CNTN5: variants seen among roughly 807,000 people sequenced by gnomAD.
CNTN5 encodes the protein contactin-5.
CNTN5 carries 77 observed loss-of-function variants against 129.1 expected under a neutral mutation model. The observed-to-expected ratio is 0.60, with a 90% confidence interval of 0.50 to 0.72. The LOEUF (loss-of-function observed/expected upper bound fraction) is 0.72. Among genes scored for constraint, CNTN5 ranks in the 30% least tolerant of loss-of-function variants. CNTN5 has a pLI of 0.00. For synonymous variants in CNTN5, 509 were observed against 465.6 expected (o/e 1.09, Z -1.20); for missense variants, 1,478 against 1,328.8 (o/e 1.11, Z -1.75).
At chr11:99,386,159 C>T (rs1940913280) in intron 2 of CNTN5, among the ~76,000 whole-genome samples, 1 of 152,144 alleles carries the variant, frequency 6.6e-6, no homozygotes, top group African/African-American at 2.4e-5. Context: ...GCAGGGCCCA[C>T]CTCCAACCTG....
intron 2 of CNTN5, among the ~76,000 whole-genome samples, chr11:99,408,464 A>AAG (rs1163812644): frequency 8.5e-6 from 1 of 118,228 alleles, no homozygotes; most frequent in Admixed American, 9.3e-5. Context: ...GAAAGAAAGA[A>AAG]AGAAAGAAAG....
intron 3 of CNTN5, among the ~76,000 whole-genome samples, chr11:99,714,013 A>G (rs1294323887): frequency 6.6e-6 from 1 of 151,932 alleles, no homozygotes; most frequent in Non-Finnish European, 1.5e-5. Flanking sequence ...AATAACTTGT[A>G]TTACAGCTGA....
At chr11:99,790,908 T>G (rs1945719041) in intron 3 of CNTN5, among the ~76,000 whole-genome samples, 1 of 152,162 alleles carries the variant, frequency 6.6e-6, no homozygotes, top group African/African-American at 2.4e-5. Flanking sequence ...CTCTAATGAC[T>G]AGTAATATTG....
intron 1 of CNTN5, among the ~76,000 whole-genome samples, chr11:99,219,643 T>C (rs1178362128): frequency 6.8e-6 from 1 of 146,488 alleles, no homozygotes; most frequent in Non-Finnish European, 1.5e-5. Flanking sequence ...AAGACTTTTT[T>C]GTCTTACTTT....
intron 2 of CNTN5, among the ~76,000 whole-genome samples, chr11:99,436,335 T>G (rs764561826): frequency 6.6e-6 from 1 of 152,160 alleles, no homozygotes; most frequent in Non-Finnish European, 1.5e-5. Context: ...AAATGGAGGA[T>G]CAGAGAGATT....
chr11:99,283,296 T>C (rs1863780514), intron 1 of CNTN5, among the ~76,000 whole-genome samples: 1 of 152,060 alleles, frequency 6.6e-6, no homozygotes, highest in Admixed American at 6.6e-5. Flanking sequence ...TCTGAAAAAT[T>C]TTAGCTAAAA....
intron 2 of CNTN5, among the ~76,000 whole-genome samples, chr11:99,434,043 T>A (rs1451408283): frequency 2.0e-5 from 3 of 152,172 alleles, no homozygotes; most frequent in Non-Finnish European, 4.4e-5. Flanking sequence ...AGGGACACTG[T>A]GCTCAGTGCC....
At chr11:99,741,271 A>T (rs1295272945) in intron 3 of CNTN5, among the ~76,000 whole-genome samples, 1 of 152,204 alleles carries the variant, frequency 6.6e-6, no homozygotes, top group Non-Finnish European at 1.5e-5. Context: ...TTGGAATTTA[A>T]CATTGAATGG....
rs150437753 is a variant in CNTN5 at position 100,086,194 on chromosome 11, C to A, written c.1580+11900C>A. Among the ~76,000 whole-genome samples, 16 of 151,410 alleles carry A rather than the reference C, an allele frequency of 1.1e-4. No homozygotes were observed. The East Asian group carries it at 1.5e-3, about 15-fold the overall frequency. ...AGTTCACATCTTTTTGAATTAATAT[C>A]TTTTATTTAATTTTTTAAATTATAT... On this transcript the variant is annotated intron_variant, in intron 13 of 24. Transcript: ENST00000524871.
intron 1 of CNTN5, among the ~76,000 whole-genome samples, chr11:99,151,818 C>T (rs1399617240): frequency 6.6e-6 from 1 of 151,988 alleles, no homozygotes; most frequent in African/African-American, 2.4e-5. Flanking sequence ...AAACCAAACA[C>T]TGCATGTTCT....
At position 100,094,480 on chromosome 11, in the gene CNTN5, C is replaced by T. The variant is rs540322011; in HGVS notation, c.1580+20186C>T. ...TTTAAAGAGTCAGTCGACTTTTAAA[C>T]CTTTTAAGACTTTAATGTTATCAAA... is the stretch of plus-strand genomic sequence containing the variant. On this transcript the variant is annotated intron_variant, in intron 13 of 24. Transcript: ENST00000524871. Among the ~76,000 whole-genome samples the T allele has an allele frequency of 2.0e-5, 3 of 150,530 alleles. 1 individual carries two copies. Among genetic ancestry groups the T allele is most frequent in the South Asian group, 4.2e-4 (2 of 4,818 alleles).
rs138940622 is a variant in CNTN5 at position 100,165,703 on chromosome 11, G to T, written c.1581-25423G>T. On this transcript the variant is annotated intron_variant, in intron 13 of 24. Transcript: ENST00000524871. ...GAGAGCGGGAGAGTGAATGAATAAG[G>T]TCTCATGCAATTTTAAGATTCTACA... 1.4e-4 allele frequency among the ~76,000 whole-genome samples: 21 copies of T among 151,750 alleles called. No individual in the cohort carries two copies. In the East Asian group the frequency reaches 3.5e-3, roughly 25 times the overall value.
At chr11:99,316,528 T>C (rs1165979163) in intron 1 of CNTN5, among the ~76,000 whole-genome samples, 1 of 152,164 alleles carries the variant, frequency 6.6e-6, no homozygotes, top group Non-Finnish European at 1.5e-5. Context: ...TTAGGTGTTG[T>C]ATATCTCTCA....
chr11:99,486,693 A>C (rs936493935), intron 2 of CNTN5, among the ~76,000 whole-genome samples: 18 of 152,294 alleles, frequency 1.2e-4, no homozygotes, highest in African/African-American at 4.1e-4. Flanking sequence ...TATTTCTTTC[A>C]AATGCAAAAA....
At chr11:99,890,747 C>A (rs1414285409) in intron 6 of CNTN5, among the ~76,000 whole-genome samples, 2 of 151,848 alleles carry the variant, frequency 1.3e-5, no homozygotes, top group Non-Finnish European at 1.5e-5. Context: ...AGAATCAGCA[C>A]GGAAAAAGGG....
chr11:99,942,656 C>G (rs1006597604), intron 7 of CNTN5, among the ~76,000 whole-genome samples: 1 of 151,992 alleles, frequency 6.6e-6, no homozygotes, highest in African/African-American at 2.4e-5. Flanking sequence ...AGATATTTGT[C>G]CTAATGCTCT....
chr11:99,818,438 G>C lies in CNTN5; in HGVS notation c.56-1106G>C, dbSNP rs112334807. Among the ~76,000 whole-genome samples the C allele has an allele frequency of 1.5e-3, 225 of 152,172 alleles. 1 individual carries two copies. Among genetic ancestry groups the C allele is most frequent in the African/African-American group, 5.1e-3 (211 of 41,520 alleles). On this transcript the variant is annotated intron_variant, in intron 3 of 24. Coordinates refer to ENST00000524871, the MANE Select transcript of CNTN5 (RefSeq NM_014361.4). Reference sequence around the variant, plus strand: ...ATGTGGCTAACTTTTTGTACTTTTTGTGTAGATGGGGTCTCACTTTATTGC... The same window carrying C: ...ATGTGGCTAACTTTTTGTACTTTTTCTGTAGATGGGGTCTCACTTTATTGC...
chr11:99,246,212 C>G (rs1238080763), intron 1 of CNTN5, among the ~76,000 whole-genome samples: 1 of 152,148 alleles, frequency 6.6e-6, no homozygotes, highest in Non-Finnish European at 1.5e-5. Flanking sequence ...ACGCATTTTG[C>G]ATTGTTAGCC....
At chr11:99,506,680 G>A (rs1037367445) in intron 2 of CNTN5, among the ~76,000 whole-genome samples, 10 of 152,070 alleles carry the variant, frequency 6.6e-5, no homozygotes, top group Non-Finnish European at 1.2e-4. Flanking sequence ...ATGTAGTAAC[G>A]TAAATAAGTA....
Sources: gnomAD v4.1 joint callset for allele counts (sites outside exome capture counted in the v4.1 genomes callset) on GRCh38, gnomAD v4.1.1 for gene constraint, MANE v1.5 for transcripts, NCBI Gene and HGNC (gene_info 2026-07-23, HGNC 2026-07-21) for gene names.